The following TMED5 variants were observed in gnomAD, a reference collection of about 807,000 sequenced individuals.
The protein encoded by TMED5 is transmembrane p24 trafficking protein 5, also known as transmembrane emp24 domain-containing protein 5.
Under a neutral mutation model 23.0 loss-of-function variants are expected in TMED5, and 27 were observed. The ratio of observed to expected loss-of-function variants is 1.17; its 90% CI spans 0.86 to 1.62. TMED5 has a LOEUF of 1.62. TMED5 is among the 40% of genes most tolerant of loss of function. The pLI is 0.00. For missense variants in TMED5, 248 were observed against 273.7 expected (o/e 0.91, Z 0.66); for synonymous variants, 97 against 100.8 (o/e 0.96, Z 0.23).
At chr1:93,172,408 A>C (rs1280768757) in intron 1 of TMED5, among the ~76,000 whole-genome samples, 1 of 152,188 alleles carries the variant, frequency 6.6e-6, no homozygotes, top group Admixed American at 6.5e-5. Flanking sequence ...CCTATACACC[A>C]GCAACAAGCA....
At chr1:93,179,987 G>C in intron 1 of TMED5, 67 bp downstream of exon 1, 2 of 1,482,974 alleles carry the variant, frequency 1.3e-6, no homozygotes, top group East Asian at 2.5e-5. Flanking sequence ...GTTTCTAAAC[G>C]GGTGAGAGGC....
intron 1 of TMED5, among the ~76,000 whole-genome samples, chr1:93,170,319 C>A (rs547888217): frequency 6.6e-6 from 1 of 152,200 alleles, no homozygotes; most frequent in Non-Finnish European, 1.5e-5. Context: ...CGGGCCAGCT[C>A]GAGTTCCGGG....
intron 1 of TMED5, among the ~76,000 whole-genome samples, chr1:93,178,041 G>A (rs551226176): frequency 1.2e-3 from 179 of 152,210 alleles, no homozygotes; most frequent in Non-Finnish European, 2.4e-3. Context: ...TAGCCCTCTA[G>A]TTAGTTTCCT....
At position 93,180,199 on chromosome 1, in the gene TMED5, G is replaced by T. The variant is rs755792843; in HGVS notation, c.44C>A (p.Ala15Asp). The T allele has an allele frequency of 6.2e-7, 1 of 1,613,204 alleles. No individual in the cohort carries two copies. The highest frequency in any genetic ancestry group is 1.1e-5 in the South Asian group (1 of 91,062). Residue 15 changes from alanine (A) to aspartate (D), a missense_variant, in exon 1 of 4, where the codon GCC (alanine) becomes GAC (aspartate). Ala to Asp is a moderately radical substitution (Grantham distance 126, BLOSUM62 -2). Coordinates refer to ENST00000370282, the MANE Select transcript of TMED5 (RefSeq NM_016040.5). ...AGGCAGCAGCACCGGAGGCAGAGCG[G>T]CCAGAAGGAGCACGGGGAAGGGCAG... ...IWLPFPVLLLAALPPVLLPGA... is the reference protein window; with the variant it reads ...IWLPFPVLLLDALPPVLLPGA...
At chr1:93,163,880 G>A (rs1648387710) in intron 1 of TMED5, among the ~76,000 whole-genome samples, 1 of 151,574 alleles carries the variant, frequency 6.6e-6, no homozygotes, top group Admixed American at 6.6e-5. Context: ...GTACCTGGGA[G>A]GTTGAGGCAG....
chr1:93,166,084 T>A (rs1648495315), intron 1 of TMED5, among the ~76,000 whole-genome samples: 2 of 152,246 alleles, frequency 1.3e-5, no homozygotes, highest in Non-Finnish European at 2.9e-5. Context: ...TTGCAGCAAA[T>A]GACAAGATCT....
At chr1:93,172,028 A>T (rs1648748243) in intron 1 of TMED5, among the ~76,000 whole-genome samples, 1 of 152,210 alleles carries the variant, frequency 6.6e-6, no homozygotes. Flanking sequence ...ATTTAATATT[A>T]AAAAAATCTT....
intron 2 of TMED5, among the ~76,000 whole-genome samples, chr1:93,157,087 A>G (rs573977860): frequency 3.3e-5 from 5 of 152,238 alleles, no homozygotes; most frequent in African/African-American, 1.2e-4. Context: ...ACATTATTAA[A>G]AGTATTTTAT....
chr1:93,177,364 G>T (rs547796485), intron 1 of TMED5, among the ~76,000 whole-genome samples: 2 of 152,116 alleles, frequency 1.3e-5, no homozygotes, highest in Non-Finnish European at 1.5e-5. Flanking sequence ...GATCACTTGA[G>T]ATCAGGAGTT....
intron 2 of TMED5, among the ~76,000 whole-genome samples, chr1:93,157,854 G>T (rs1456182925): frequency 2.6e-5 from 4 of 152,352 alleles, no homozygotes; most frequent in Non-Finnish European, 5.9e-5. Flanking sequence ...GCCGGGCACA[G>T]TGGCTCACGC....
At chr1:93,163,169 C>T (rs1648347460) in intron 1 of TMED5, 1 of 151,492 alleles carries the variant, frequency 6.6e-6, no homozygotes, top group South Asian at 2.1e-4. Flanking sequence ...AGGATACCCT[C>T]CAAAAACAAA....
At position 93,154,452 on chromosome 1, in the gene TMED5, T is replaced by C. The variant is rs1212158860; in HGVS notation, c.*218A>G. The C allele has an allele frequency of 7.2e-6, 4 of 558,250 alleles. No homozygotes were observed. Among genetic ancestry groups the C allele is most frequent in the Non-Finnish European group, 1.3e-5 (4 of 317,426 alleles). The allele number at this position is 558,250 out of a possible 1,614,324, so 34.6% of individuals were successfully genotyped here. ...ATATGGCTTCATTCAGTTAAACCTATATTCTGCAAAATATTCCTGTTACAC... is the reference window on the plus strand; with the variant it reads ...ATATGGCTTCATTCAGTTAAACCTACATTCTGCAAAATATTCCTGTTACAC... On this transcript the variant is annotated 3_prime_UTR_variant, in exon 4 of 4. Coordinates refer to ENST00000370282, the MANE Select transcript of TMED5 (RefSeq NM_016040.5).
chr1:93,163,773 C>T (rs1423277445), intron 1 of TMED5, among the ~76,000 whole-genome samples: 1 of 150,210 alleles, frequency 6.7e-6, no homozygotes, highest in Admixed American at 6.6e-5. Context: ...GTGAGGGGTT[C>T]AAGACCAGCC....
chr1:93,178,194 C>T (rs1347718145), intron 1 of TMED5, among the ~76,000 whole-genome samples: 2 of 152,138 alleles, frequency 1.3e-5, no homozygotes, highest in African/African-American at 4.8e-5. Context: ...ATGACCCCAG[C>T]CTTCTGGCCT....
intron 3 of TMED5, among the ~76,000 whole-genome samples, chr1:93,155,336 T>C (rs1451372157): frequency 2.0e-5 from 3 of 152,240 alleles, no homozygotes; most frequent in Non-Finnish European, 4.4e-5. Context: ...TATATTACAT[T>C]AGAGATTCTC....
chr1:93,177,617 A>G (rs1296858441), intron 1 of TMED5, among the ~76,000 whole-genome samples: 1 of 147,432 alleles, frequency 6.8e-6, no homozygotes, highest in Non-Finnish European at 1.5e-5. Flanking sequence ...AAAAAGGAAC[A>G]GTCCCTTTAA....
At chr1:93,171,190 A>G (rs1648719806) in intron 1 of TMED5, among the ~76,000 whole-genome samples, 1 of 151,992 alleles carries the variant, frequency 6.6e-6, no homozygotes, top group African/African-American at 2.4e-5. Flanking sequence ...ACAACTCCAG[A>G]CACGCCACCT....
intron 2 of TMED5, among the ~76,000 whole-genome samples, chr1:93,157,657 A>C (rs1307852447): frequency 6.6e-6 from 1 of 152,148 alleles, no homozygotes; most frequent in Non-Finnish European, 1.5e-5. Context: ...AGCTATGGTC[A>C]CACCATTGCA....
intron 1 of TMED5, among the ~76,000 whole-genome samples, chr1:93,171,266 C>T (rs1235363771): frequency 6.6e-6 from 1 of 152,188 alleles, no homozygotes; most frequent in Non-Finnish European, 1.5e-5. Context: ...ACCACAAACC[C>T]ACCAGAAGGA....
Sources: allele counts gnomAD v4.1 joint callset (sites outside exome capture counted in the v4.1 genomes callset), GRCh38; gene constraint gnomAD v4.1.1; transcripts MANE v1.5; gene names NCBI Gene and HGNC (gene_info 2026-07-23, HGNC 2026-07-21).